NTM: variants seen among roughly 807,000 people sequenced by gnomAD.
NTM encodes neurotrimin, also known as IgLON family member 2.
A neutral mutation model predicts 42.1 loss-of-function variants in NTM; 13 were observed. That is an observed-to-expected ratio of 0.31 (90% CI 0.20 to 0.49). NTM has a LOEUF of 0.49. Among genes scored for constraint, NTM ranks in the 20% least tolerant of loss-of-function variants. The pLI is 0.99. For synonymous variants in NTM, 187 were observed against 179.2 expected, an observed-to-expected ratio of 1.04 and a Z score of -0.35; for missense variants, 373 against 452.8, an observed-to-expected ratio of 0.82 and a Z score of 1.60.
intron 1 of NTM, among the ~76,000 whole-genome samples, chr11:131,822,903 G>A (rs1288850332): frequency 1.3e-5 from 2 of 152,146 alleles, no homozygotes; most frequent in African/African-American, 2.4e-5. Context: ...TATGCTCAAA[G>A]GTAGCATTGA....
intron 3 of NTM, among the ~76,000 whole-genome samples, chr11:132,169,903 T>C (rs769935400): frequency 3.9e-5 from 6 of 152,264 alleles, no homozygotes; most frequent in Admixed American, 6.5e-5. Flanking sequence ...TTATCCCACC[T>C]TTGTCTTTTA....
rs569198904 is a variant in NTM, at chr11:131,852,154, G to A, written c.83-59410G>A. ...TCTAACCTGCTGAGGCGGCTCCCATGGAGCCATGAGCTGCGTGCAAATGGC... is the reference window on the plus strand; with the variant it reads ...TCTAACCTGCTGAGGCGGCTCCCATAGAGCCATGAGCTGCGTGCAAATGGC... On this transcript the variant is annotated intron_variant, in intron 1 of 8. Coordinates refer to ENST00000683400, the MANE Select transcript of NTM (RefSeq NM_001352005.2). 1.4e-4 allele frequency among the ~76,000 whole-genome samples: 21 copies of A among 152,198 alleles called. 1 individual carries two copies.
chr11:131,677,258 C>A (rs556449600), intron 1 of NTM, among the ~76,000 whole-genome samples: 1 of 152,098 alleles, frequency 6.6e-6, no homozygotes, highest in Admixed American at 6.5e-5. Flanking sequence ...TTTGAGTTTG[C>A]GCAGATCACC....
intron 2 of NTM, among the ~76,000 whole-genome samples, chr11:131,956,941 G>C (rs987796947): frequency 1.3e-5 from 2 of 150,716 alleles, no homozygotes; most frequent in African/African-American, 5.0e-5. Flanking sequence ...GGAAAGATGA[G>C]CAAACAAGCT....
intron 1 of NTM, among the ~76,000 whole-genome samples, chr11:131,417,497 G>C (rs1183751333): frequency 6.6e-6 from 1 of 152,162 alleles, no homozygotes; most frequent in African/African-American, 2.4e-5. Context: ...TATAGGTATA[G>C]GGAAGGGTCT....
intron 1 of NTM, among the ~76,000 whole-genome samples, chr11:131,639,130 G>T (rs1366532110): frequency 2.0e-5 from 3 of 152,208 alleles, no homozygotes; most frequent in African/African-American, 7.2e-5. Flanking sequence ...GCTCACACTG[G>T]TACAACTATC....
At chr11:131,820,902 T>A (rs1161667935) in intron 1 of NTM, among the ~76,000 whole-genome samples, 5 of 152,178 alleles carry the variant, frequency 3.3e-5, no homozygotes, top group Non-Finnish European at 5.9e-5. Context: ...GCGGCCACTA[T>A]GAGTATTTGG....
intron 1 of NTM, among the ~76,000 whole-genome samples, chr11:131,789,033 G>A (rs1480167127): frequency 6.6e-6 from 1 of 152,074 alleles, no homozygotes; most frequent in African/African-American, 2.4e-5. Context: ...TCTGCGTGGA[G>A]CACTCTCTGA....
chr11:132,061,602 T>A (rs1482071341), intron 2 of NTM, among the ~76,000 whole-genome samples: 2 of 152,190 alleles, frequency 1.3e-5, no homozygotes, highest in Non-Finnish European at 2.9e-5. Context: ...GGTGATCTAA[T>A]AGCATCTGAT....
intron 1 of NTM, among the ~76,000 whole-genome samples, chr11:131,425,715 G>A (rs920621941): frequency 6.6e-6 from 1 of 152,168 alleles, no homozygotes; most frequent in Admixed American, 6.5e-5. Context: ...CAGGAGCTAG[G>A]GAGGGGGCTG....
chr11:132,072,006 G>C (rs973849927), intron 2 of NTM, among the ~76,000 whole-genome samples: 1 of 152,096 alleles, frequency 6.6e-6, no homozygotes, highest in South Asian at 2.1e-4. Flanking sequence ...GGATTGGCTA[G>C]GGCAAAATTA....
At chr11:131,869,773 TG>T (rs930073316) in intron 1 of NTM, among the ~76,000 whole-genome samples, 4 of 152,202 alleles carry the variant, frequency 2.6e-5, no homozygotes, top group African/African-American at 9.7e-5. Flanking sequence ...AGATAGCTCC[TG>T]GAATTCCCAT....
intron 2 of NTM, among the ~76,000 whole-genome samples, chr11:132,004,603 CT>C (rs139628720): frequency 0.048 from 4,741 of 98,996 alleles, 240 homozygotes; most frequent in African/African-American, 0.16. Context: ...CTCTTTCTCT[CT>C]TTCTCTCTCT....
chr11:131,467,550 G>T (rs1403779898), intron 1 of NTM, among the ~76,000 whole-genome samples: 1 of 152,222 alleles, frequency 6.6e-6, no homozygotes, highest in Non-Finnish European at 1.5e-5. Flanking sequence ...CTTCAAGGTA[G>T]AAACCTGCTC....
At chr11:131,667,596 C>T (rs1417408547) in intron 1 of NTM, among the ~76,000 whole-genome samples, 1 of 152,182 alleles carries the variant, frequency 6.6e-6, no homozygotes, top group Non-Finnish European at 1.5e-5. Context: ...GAGTACTAAT[C>T]CTGGTCATGG....
At chr11:131,812,675 G>A (rs539221512) in intron 1 of NTM, among the ~76,000 whole-genome samples, 110 of 152,184 alleles carry the variant, frequency 7.2e-4, no homozygotes, top group African/African-American at 2.4e-3. Context: ...AAAGGTGGAG[G>A]GGAGCTGTCT....
intron 1 of NTM, among the ~76,000 whole-genome samples, chr11:131,547,776 C>T (rs2054136306): frequency 2.0e-5 from 3 of 152,174 alleles, no homozygotes; most frequent in African/African-American, 7.2e-5. Flanking sequence ...CTAGTCCCCT[C>T]CTAGTCCCCG....
At chr11:131,391,524 G>A (rs1429562015) in intron 1 of NTM, among the ~76,000 whole-genome samples, 1 of 148,642 alleles carries the variant, frequency 6.7e-6, no homozygotes, top group Admixed American at 6.8e-5. Flanking sequence ...AAAAGGGATT[G>A]ATTTTTACAG....
chr11:131,750,463 T>A (rs2135690516), intron 1 of NTM, among the ~76,000 whole-genome samples: 1 of 152,310 alleles, frequency 6.6e-6, no homozygotes, highest in East Asian at 1.9e-4. Flanking sequence ...GGGTGCCTGG[T>A]TCCAACCACC....
Sources: gnomAD v4.1 joint callset for allele counts (sites outside exome capture counted in the v4.1 genomes callset) on GRCh38, gnomAD v4.1.1 for gene constraint, MANE v1.5 for transcripts, NCBI Gene and HGNC (gene_info 2026-07-23, HGNC 2026-07-21) for gene names.